The following CDH8 variants were observed in gnomAD, a reference collection of about 807,000 sequenced individuals.
CDH8 encodes cadherin-8.
In CDH8, 17 loss-of-function variants were observed where a neutral mutation model predicts 68.1. That is an observed-to-expected ratio of 0.25 (90% CI 0.17 to 0.37). The LOEUF (loss-of-function observed/expected upper bound fraction) is 0.37. Among genes scored for constraint, CDH8 ranks in the 10% least tolerant of loss-of-function variants. The probability of loss-of-function intolerance (pLI) is 1.00; values close to 1 mark genes in which losing one functional copy is unlikely to be tolerated. For synonymous variants in CDH8, 372 were observed against 365.1 expected (o/e 1.02, Z -0.21); for missense variants, 763 against 999.3 (o/e 0.76, Z 3.19).
chr16:62,035,721 G>A (rs1902440862), intron 1 of CDH8, among the ~76,000 whole-genome samples: 1 of 152,152 alleles, frequency 6.6e-6, no homozygotes, highest in South Asian at 2.1e-4. Context: ...AAGGCGCGCG[G>A]CTGCAGCCGC....
chr16:61,861,444 A>T (rs1963147910), intron 3 of CDH8, among the ~76,000 whole-genome samples: 1 of 152,168 alleles, frequency 6.6e-6, no homozygotes, highest in Non-Finnish European at 1.5e-5. Context: ...TGATGAACAT[A>T]TCTATTTCTG....
intron 10 of CDH8, among the ~76,000 whole-genome samples, chr16:61,688,452 G>A (rs983757142): frequency 2.0e-4 from 30 of 152,002 alleles, no homozygotes; most frequent in African/African-American, 6.8e-4. Context: ...TTAAGTTAGA[G>A]GAGGAGTTTT....
chr16:61,869,880 C>T (rs1963324298), intron 3 of CDH8, among the ~76,000 whole-genome samples: 1 of 152,162 alleles, frequency 6.6e-6, no homozygotes, highest in Non-Finnish European at 1.5e-5. Context: ...TTCAATTCTT[C>T]CTAGTTGCCA....
intron 8 of CDH8, among the ~76,000 whole-genome samples, chr16:61,731,091 G>T (rs1959521824): frequency 6.6e-6 from 1 of 151,578 alleles, no homozygotes; most frequent in Non-Finnish European, 1.5e-5. Flanking sequence ...ATGGCTCAAA[G>T]ATTTTGCTTG....
intron 3 of CDH8, among the ~76,000 whole-genome samples, chr16:61,873,915 G>A (rs1373925472): frequency 6.6e-6 from 1 of 152,094 alleles, no homozygotes; most frequent in Non-Finnish European, 1.5e-5. Flanking sequence ...AATTAGCCAG[G>A]GGTGGTGGTG....
At chr16:61,947,840 T>C (rs1344703676) in intron 2 of CDH8, among the ~76,000 whole-genome samples, 1 of 152,182 alleles carries the variant, frequency 6.6e-6, no homozygotes, top group Non-Finnish European at 1.5e-5. Context: ...GGCTCTGTTC[T>C]CAAATAAGGG....
chr16:61,897,323 G>A (rs1357150602), intron 3 of CDH8, among the ~76,000 whole-genome samples: 5 of 151,830 alleles, frequency 3.3e-5, no homozygotes, highest in East Asian at 3.9e-4. Flanking sequence ...CACAATCTCC[G>A]CTCACTGCAA....
intron 9 of CDH8, among the ~76,000 whole-genome samples, chr16:61,720,370 T>C (rs1959208193): frequency 6.6e-6 from 1 of 151,006 alleles, no homozygotes; most frequent in Admixed American, 6.6e-5. Context: ...GAAACAAGCG[T>C]ATTCAGGTTT....
chr16:61,931,051 G>A (rs1964532408), intron 2 of CDH8, among the ~76,000 whole-genome samples: 1 of 152,192 alleles, frequency 6.6e-6, no homozygotes, highest in African/African-American at 2.4e-5. Context: ...AGTACTTACT[G>A]CAGCATTTTC....
intron 2 of CDH8, among the ~76,000 whole-genome samples, chr16:62,002,638 AGAAAT>A (rs1965910562): frequency 6.6e-6 from 1 of 152,376 alleles, no homozygotes; most frequent in Admixed American, 6.5e-5. Context: ...AGCACAGTCT[AGAAAT>A]AAACTTCTTT....
At chr16:61,682,665 GA>G (rs55989060) in intron 10 of CDH8, among the ~76,000 whole-genome samples, 92,254 of 148,260 alleles carry the variant, frequency 0.62, 29,925 homozygotes, top group African/African-American at 0.84. Context: ...AGAAGTTTAA[GA>G]AAAAAAAAAA....
intron 2 of CDH8, among the ~76,000 whole-genome samples, chr16:61,956,943 T>C (rs1964998243): frequency 6.6e-6 from 1 of 152,214 alleles, no homozygotes; most frequent in Non-Finnish European, 1.5e-5. Context: ...GTCCTTGTGT[T>C]CAATAAAATG....
chr16:61,945,165 T>C (rs930886724), intron 2 of CDH8, among the ~76,000 whole-genome samples: 3 of 152,270 alleles, frequency 2.0e-5, no homozygotes, highest in East Asian at 1.9e-4. Context: ...TGTTAGCAAA[T>C]TCTTAAACTT....
chr16:61,653,075 A>G lies in CDH8; in HGVS notation c.*533T>C, dbSNP rs1963360538. The stretch of plus-strand genomic sequence containing the variant: ...ATTATGTACAATGTGTGGTCACCGT[A>G]CTGTATAATCTAGGAGGCCTCTCAA... On this transcript the variant is annotated 3_prime_UTR_variant, in exon 12 of 12. Coordinates refer to ENST00000577390, the MANE Select transcript of CDH8 (RefSeq NM_001796.5). The G allele has an allele frequency of 7.5e-7, 1 of 1,324,570 alleles. No individual in the cohort carries two copies. The highest frequency in any genetic ancestry group is 9.6e-7 in the Non-Finnish European group (1 of 1,038,986). The allele number at this position is 1,324,570 out of a possible 1,614,324, so 82.1% of individuals were successfully genotyped here.
In CDH8 at chr16:62,021,148, T is replaced by G; in HGVS notation, c.252+4A>C. The G allele has an allele frequency of 6.2e-7, 1 of 1,613,574 alleles. No homozygotes were observed. Among genetic ancestry groups the G allele is most frequent in the East Asian group, 2.2e-5 (1 of 44,856 alleles). On this transcript the variant is annotated splice_donor_region_variant and intron_variant, in intron 2 of 11. Transcript: ENST00000577390. The stretch of plus-strand genomic sequence containing the variant: ...GAAATTGAGATCTTAAAAACAAAGC[T>G]TACCCGGCCAACAAGAATCGGTTCA...
At chr16:61,919,918 A>G (rs1048616025) in intron 2 of CDH8, among the ~76,000 whole-genome samples, 6 of 152,202 alleles carry the variant, frequency 3.9e-5, no homozygotes, top group South Asian at 2.1e-4. Flanking sequence ...TAGATCAATG[A>G]AACAGAACAG....
chr16:62,003,178 C>T (rs1965920938), intron 2 of CDH8, among the ~76,000 whole-genome samples: 1 of 152,128 alleles, frequency 6.6e-6, no homozygotes, highest in African/African-American at 2.4e-5. Flanking sequence ...GGGCATGTAA[C>T]ATGCTTAAGT....
chr16:61,764,823 A>G (rs1178356185), intron 8 of CDH8, among the ~76,000 whole-genome samples: 4 of 152,108 alleles, frequency 2.6e-5, no homozygotes, highest in Non-Finnish European at 5.9e-5. Context: ...ATGTTGGAGA[A>G]TTAATGAGCT....
chr16:61,823,634 T>A (rs1238758177), intron 5 of CDH8, among the ~76,000 whole-genome samples: 1 of 151,900 alleles, frequency 6.6e-6, no homozygotes, highest in Non-Finnish European at 1.5e-5. Context: ...TCTTTTCAGT[T>A]TCGCTGGAAC....
Sources: gnomAD v4.1 joint callset for allele counts (sites outside exome capture counted in the v4.1 genomes callset) on GRCh38, gnomAD v4.1.1 for gene constraint, MANE v1.5 for transcripts, NCBI Gene and HGNC (gene_info 2026-07-23, HGNC 2026-07-21) for gene names.